The following PAEP variants were observed in gnomAD, a reference collection of about 807,000 sequenced individuals.
PAEP encodes glycodelin.
A neutral mutation model predicts 23.0 loss-of-function variants in PAEP; 28 were observed. That is an observed-to-expected ratio of 1.22 (90% CI 0.90 to 1.67). The LOEUF (loss-of-function observed/expected upper bound fraction) is 1.67, where lower values mean the gene tolerates loss of function less well. Ranked by LOEUF, PAEP falls within the 40% of genes most tolerant of loss-of-function variation. The probability of loss-of-function intolerance (pLI) is 0.00; values close to 1 mark genes in which losing one functional copy is unlikely to be tolerated. For missense variants in PAEP, 209 were observed against 226.4 expected (o/e 0.92, Z 0.49); for synonymous variants, 103 against 92.4 (o/e 1.12, Z -0.66).
rs759775076 is a variant in PAEP at position 135,565,429 on chromosome 9, C to T, written c.441C>T (p.Asp147=). The T allele has an allele frequency of 1.3e-5, 21 of 1,613,948 alleles. No homozygotes were observed. The highest frequency in any genetic ancestry group is 2.2e-5 in the South Asian group (2 of 91,094). Residue 147 remains aspartate, a synonymous_variant, in exon 5 of 7, where the codon GAC becomes GAT. Coordinates refer to ENST00000479141, the MANE Select transcript of PAEP (RefSeq NM_002571.4). The part of the protein sequence containing the change: ...CQYLARVLVE[D]DEIMQGFIRA... ...CCACAGCCAGAGTCCTGGTGGAGGA[C>T]GATGAGATCATGCAGGGATTCATCA...
intron 3 of PAEP, among the ~76,000 whole-genome samples, chr9:135,563,402 A>C (rs1257351984): frequency 1.7e-3 from 21 of 12,256 alleles, no homozygotes; most frequent in Non-Finnish European, 1.1e-3. Context: ...ATACAGGTGG[A>C]CAGGTGGGTA....
In PAEP at chr9:135,565,493, C is replaced by T. The variant is rs562372164; in HGVS notation, c.505C>T (p.Leu169=). 5 of 1,613,946 alleles carry T rather than the reference C, an allele frequency of 3.1e-6. No homozygotes were observed. Among genetic ancestry groups the T allele is most frequent in the East Asian group, 2.2e-5 (1 of 44,882 alleles). ...RPLPRHLWYL[L]DLKQMEEPCR... The stretch of plus-strand genomic sequence containing the variant: ...CCTGCCCAGGCACCTATGGTACTTG[C>T]TGGACTTGAAACAGATGGAAGGTGA... Residue 169 remains leucine, a synonymous_variant, in exon 5 of 7, where the codon CTG becomes TTG. Coordinates refer to ENST00000479141, the MANE Select transcript of PAEP (RefSeq NM_002571.4).
rs143299622 is a variant in PAEP, at chr9:135,563,409, G to C, written c.310+516G>C. On this transcript the variant is annotated intron_variant, in intron 3 of 6. Transcript: ENST00000479141. ...GGGTAGGTATACAGGTGGACAGGTG[G>C]GTAGGTGGACAGGTGGGCAGGTGAG... Among the ~76,000 whole-genome samples the C allele has an allele frequency of 1.1e-3, 164 of 150,904 alleles. 2 individuals are homozygous for C. In the East Asian group the frequency reaches 0.029, roughly 27 times the overall value.
intron 4 of PAEP, 53 bp from the exon 5 acceptor site, chr9:135,565,357 C>G (rs780761801): frequency 1.4e-6 from 2 of 1,454,918 alleles, no homozygotes; most frequent in African/African-American, 2.8e-5. Context: ...CTGGAGCTCC[C>G]CAGCTCTCAT....
intron 2 of PAEP, among the ~76,000 whole-genome samples, 176 bp from the exon 3 acceptor site, chr9:135,562,644 C>G (rs1035870446): frequency 6.6e-6 from 1 of 152,136 alleles, no homozygotes; most frequent in African/African-American, 2.4e-5. Context: ...AGGCTCTGGG[C>G]CAACAGCCAA....
chr9:135,564,503 T>C lies in PAEP; in HGVS notation c.421+149T>C, dbSNP rs1832487537. 17 of 1,455,668 alleles carry C rather than the reference T, an allele frequency of 1.2e-5. 1 individual carries two copies. The South Asian group carries it at 2.1e-4, about 18-fold the overall frequency. The allele number at this position is 1,455,668 out of a possible 1,614,324, so 90.2% of individuals were successfully genotyped here. A position where few individuals can be genotyped will look rare whatever the true frequency, so the allele number is the denominator to read the frequency against. On this transcript the variant is annotated intron_variant, in intron 4 of 6. Coordinates refer to ENST00000479141, the MANE Select transcript of PAEP (RefSeq NM_002571.4). Reference sequence around the variant, plus strand: ...TTTCTTGGTTTTTTTTATTTGTTTGTTGTTTGCTTTGTTTTTTTGAGAAAG... The same window carrying C: ...TTTCTTGGTTTTTTTTATTTGTTTGCTGTTTGCTTTGTTTTTTTGAGAAAG...
intron 4 of PAEP, chr9:135,564,685 G>A: frequency 1.7e-6 from 1 of 591,278 alleles, no homozygotes. Context: ...TGTATTTTTT[G>A]GTAGAGACGG....
Position 135,562,328 on chromosome 9 carries a change from CCAA to C in PAEP, c.137_139del (p.Asn46del), listed in dbSNP as rs370657618. 30 of 1,614,082 alleles carry C rather than the reference CCAA, an allele frequency of 1.9e-5. No homozygotes were observed. In the African/African-American group the frequency reaches 3.6e-4, roughly 19 times the overall value. On this transcript the variant is annotated inframe_deletion, in exon 2 of 7. Coordinates refer to ENST00000479141, the MANE Select transcript of PAEP (RefSeq NM_002571.4). ...ACCTGGCACTCCATGGCCATGGCGA[CCAA>C]CAACATCTCCCTCATGGCGACACTG...
Position 135,561,882 on chromosome 9 carries a change from C to T in PAEP, c.81C>T (p.Asp27=). Residue 27 remains aspartate, a synonymous_variant, in exon 1 of 7, where the codon GAC becomes GAT. Coordinates refer to ENST00000479141, the MANE Select transcript of PAEP (RefSeq NM_002571.4). ...TGGACATCCCCCAGACCAAGCAGGA[C>T]CTGGAGCTCCCAAAGGTTTGAGGCT... ...PAMDIPQTKQ[D]LELPKLAGTW... 3 of 1,565,150 alleles carry T rather than the reference C, an allele frequency of 1.9e-6. No individual in the cohort carries two copies. Among genetic ancestry groups the T allele is most frequent in the Admixed American group, 1.9e-5 (1 of 53,348 alleles).
chr9:135,561,847 G>A lies in PAEP; in HGVS notation c.46G>A (p.Val16Ile). ...LTLGVALVCG[V>I]PAMDIPQTKQ... ...CCTGGGCGTGGCCCTGGTCTGTGGT[G>A]TCCCGGCCATGGACATCCCCCAGAC... Residue 16 changes from valine to isoleucine, a missense_variant, in exon 1 of 7, where the codon GTC (valine) becomes ATC (isoleucine). Transcript: ENST00000479141. 1.9e-6 allele frequency: 3 copies of A among 1,566,494 alleles called. No homozygotes were observed. The highest frequency in any genetic ancestry group is 1.7e-4 in the Middle Eastern group (1 of 6,002).
At chr9:135,564,184 A>G (rs1036845384) in intron 3 of PAEP, 60 bp from the exon 4 acceptor site, 15 of 1,545,232 alleles carry the variant, frequency 9.7e-6, no homozygotes, top group Non-Finnish European at 1.2e-5. Context: ...ACACACCTGC[A>G]CAGGACTCTG....
rs966228669 is a variant in PAEP, at chr9:135,564,527, A to G, written c.421+173A>G. 4 of 968,360 alleles carry G rather than the reference A, an allele frequency of 4.1e-6. No homozygotes were observed. In the African/African-American group the frequency reaches 7.0e-5, roughly 17 times the overall value. The allele number at this position is 968,360 out of a possible 1,614,324, so 60.0% of individuals were successfully genotyped here. A position where few individuals can be genotyped will look rare whatever the true frequency, so the allele number is the denominator to read the frequency against. ...GTTGTTTGCTTTGTTTTTTTGAGAA[A>G]GGGTCTCATTCTGTCACTCAGGCTG... On this transcript the variant is annotated intron_variant, in intron 4 of 6. Transcript: ENST00000479141.
At chr9:135,565,612 C>A (rs759145812) in intron 5 of PAEP, 98 bp downstream of exon 5, 1 of 1,370,930 alleles carries the variant, frequency 7.3e-7, no homozygotes, top group South Asian at 1.2e-5. Context: ...TCAGGTCACT[C>A]CTTTTTGGCC....
At chr9:135,562,520 G>A (rs1832358241) in intron 2 of PAEP, 87 bp downstream of exon 2, 6 of 1,490,904 alleles carry the variant, frequency 4.0e-6, no homozygotes, top group Non-Finnish European at 5.4e-6. Flanking sequence ...GGCGGAGCTG[G>A]ACTTAGCCCC....
chr9:135,564,533 T>C (rs1832488880), intron 4 of PAEP, 179 bp downstream of exon 4: 1 of 956,636 alleles, frequency 1.0e-6, no homozygotes, highest in Non-Finnish European at 1.2e-6. Context: ...AGAAAGGGTC[T>C]CATTCTGTCA....
rs900156329 is a variant in PAEP at position 135,566,856 on chromosome 9, C to G, written c.*304C>G. 6.5e-6 allele frequency: 1 copy of G among 153,958 alleles called. No individual in the cohort carries two copies. The highest frequency in any genetic ancestry group is 1.5e-5 in the Non-Finnish European group (1 of 68,124). The allele number at this position is 153,958 out of a possible 1,614,324, so 9.5% of individuals were successfully genotyped here. A position where few individuals can be genotyped will look rare whatever the true frequency, so the allele number is the denominator to read the frequency against. ...GGGTCGGGGCAGGCCCAGGCCACCG[C>G]CTGGCAGAACCGGAGCTCCTACAGA... On this transcript the variant is annotated 3_prime_UTR_variant, in exon 7 of 7. Transcript: ENST00000479141.
At chr9:135,564,769 G>T in intron 4 of PAEP, 2 of 980,782 alleles carry the variant, frequency 2.0e-6, no homozygotes, top group Non-Finnish European at 2.4e-6. Context: ...CTCCCAAAGG[G>T]CTGGGATTAC....
intron 6 of PAEP, chr9:135,566,152 G>T: frequency 3.5e-6 from 1 of 288,394 alleles, no homozygotes; most frequent in East Asian, 7.0e-5. Flanking sequence ...GGACCTGCAG[G>T]TCTCGGTCCC....
chr9:135,562,647 A>C (rs1279233776), intron 2 of PAEP, among the ~76,000 whole-genome samples, 173 bp from the exon 3 acceptor site: 2 of 152,284 alleles, frequency 1.3e-5, no homozygotes, highest in East Asian at 3.9e-4. Context: ...CTCTGGGCCA[A>C]CAGCCAACCA....
Sources: gnomAD v4.1 joint callset for allele counts (sites outside exome capture counted in the v4.1 genomes callset) on GRCh38, gnomAD v4.1.1 for gene constraint, MANE v1.5 for transcripts, NCBI Gene and HGNC (gene_info 2026-07-23, HGNC 2026-07-21) for gene names.